The following CMSS1 variants were observed in gnomAD, a reference collection of about 807,000 sequenced individuals.
CMSS1 encodes cms1 ribosomal small subunit homolog.
A neutral mutation model predicts 43.5 loss-of-function variants in CMSS1; 33 were observed. That is an observed-to-expected ratio of 0.76 (90% CI 0.57 to 1.01). CMSS1 has a LOEUF of 1.01. Among genes scored for constraint, CMSS1 ranks in the 50% least tolerant of loss-of-function variants. The pLI, the probability that CMSS1 is intolerant of heterozygous loss-of-function variation, is 0.00. For synonymous variants in CMSS1, 115 were observed against 117.2 expected (o/e 0.98, Z 0.12); for missense variants, 313 against 326.4 (o/e 0.96, Z 0.32).
intron 1 of CMSS1, among the ~76,000 whole-genome samples, chr3:100,009,294 A>G (rs1348729425): frequency 6.6e-6 from 1 of 152,210 alleles, no homozygotes; most frequent in Non-Finnish European, 1.5e-5. Context: ...GTCCTGAAAC[A>G]AAATGGCAGC....
In CMSS1 at chr3:100,160,474, T is replaced by C. The variant is rs143731542; in HGVS notation, c.198T>C (p.Asn66=). The part of the protein sequence containing the change: ...FLIQPKERKE[N]TTKTRKRRKK... Reference sequence around the variant, plus strand: ...TACAACCAAAGGAAAGAAAAGAGAATACCACCAAGACCAGGAAAAGAAGAA... The same window carrying C: ...TACAACCAAAGGAAAGAAAAGAGAACACCACCAAGACCAGGAAAAGAAGAA... The change falls in exon 3 of 10, where the codon AAT becomes AAC. Residue 66 remains asparagine, a synonymous_variant. Coordinates refer to ENST00000421999, the MANE Select transcript of CMSS1 (RefSeq NM_032359.4). 8.6e-5 allele frequency: 130 copies of C among 1,515,220 alleles called. No individual in the cohort carries two copies. The African/African-American group carries it at 1.7e-3, about 20-fold the overall frequency. The allele number at this position is 1,515,220 out of a possible 1,614,324, so 93.9% of individuals were successfully genotyped here. A position where few individuals can be genotyped will look rare whatever the true frequency, so the allele number is the denominator to read the frequency against.
chr3:99,888,689 T>C (rs2107611676), intron 1 of CMSS1, among the ~76,000 whole-genome samples: 1 of 152,340 alleles, frequency 6.6e-6, no homozygotes, highest in Admixed American at 6.5e-5. Flanking sequence ...AAAAGAATCT[T>C]CTTAGACTGC....
At chr3:100,012,464 T>G (rs1368799426) in intron 1 of CMSS1, among the ~76,000 whole-genome samples, 1 of 152,204 alleles carries the variant, frequency 6.6e-6, no homozygotes, top group African/African-American at 2.4e-5. Context: ...TGTAGTATTT[T>G]CTAACTTTGG....
intron 1 of CMSS1, among the ~76,000 whole-genome samples, chr3:100,098,935 A>G (rs1009783757): frequency 6.6e-6 from 1 of 152,216 alleles, no homozygotes; most frequent in Non-Finnish European, 1.5e-5. Flanking sequence ...ATTATAAATA[A>G]TGCCAGTTAA....
chr3:100,012,177 A>T lies in CMSS1; in HGVS notation c.65-134796A>T, dbSNP rs192151604. Among the ~76,000 whole-genome samples, 5 of 152,296 alleles carry T rather than the reference A, an allele frequency of 3.3e-5. No homozygotes were observed. The South Asian group carries it at 1.0e-3, about 32-fold the overall frequency. ...AACTTGAGTGGGATTTATAATGTCT[A>T]TATCTGTCTTTTATATTCCAAAAGG... On this transcript the variant is annotated intron_variant, in intron 1 of 9. Coordinates refer to ENST00000421999, the MANE Select transcript of CMSS1 (RefSeq NM_032359.4).
chr3:99,828,487 TGTCA>T (rs998547106), intron 1 of CMSS1, among the ~76,000 whole-genome samples: 1 of 151,042 alleles, frequency 6.6e-6, no homozygotes. Context: ...GGTCTTGCTC[TGTCA>T]GTCAGTCTGG....
chr3:99,903,875 G>A (rs1706525130), intron 1 of CMSS1, among the ~76,000 whole-genome samples: 1 of 152,088 alleles, frequency 6.6e-6, no homozygotes, highest in African/African-American at 2.4e-5. Context: ...GTCGTCCCCT[G>A]CTGCTTCATT....
At chr3:100,091,141 T>C (rs34081874) in intron 1 of CMSS1, among the ~76,000 whole-genome samples, 13,848 of 150,520 alleles carry the variant, frequency 0.092, 775 homozygotes, top group African/African-American at 0.14. Context: ...AAAACTTAGC[T>C]GGGCATGGTG....
At chr3:99,956,666 A>G (rs1708328841) in intron 1 of CMSS1, among the ~76,000 whole-genome samples, 1 of 152,216 alleles carries the variant, frequency 6.6e-6, no homozygotes, top group Non-Finnish European at 1.5e-5. Context: ...TAAGCTTTGG[A>G]TCATAAGCAT....
chr3:100,130,086 T>C (rs2066694163), intron 1 of CMSS1, among the ~76,000 whole-genome samples: 1 of 152,202 alleles, frequency 6.6e-6, no homozygotes, highest in Non-Finnish European at 1.5e-5. Flanking sequence ...AAATAAATTT[T>C]CTCCATATGC....
chr3:99,938,596 C>G (rs1707763197), intron 1 of CMSS1, among the ~76,000 whole-genome samples: 1 of 152,182 alleles, frequency 6.6e-6, no homozygotes, highest in Non-Finnish European at 1.5e-5. Context: ...TACACAGAAC[C>G]TTTAAGCTAA....
At chr3:99,960,309 T>C (rs1021989563) in intron 1 of CMSS1, among the ~76,000 whole-genome samples, 5 of 152,166 alleles carry the variant, frequency 3.3e-5, no homozygotes, top group Middle Eastern at 3.2e-3. Context: ...GATCCCCATT[T>C]TACAGATGAG....
chr3:100,032,796 A>T (rs2107265161), intron 1 of CMSS1, among the ~76,000 whole-genome samples: 1 of 152,344 alleles, frequency 6.6e-6, no homozygotes, highest in South Asian at 2.1e-4. Context: ...TGTGTAACAA[A>T]GGACCATTAA....
intron 1 of CMSS1, among the ~76,000 whole-genome samples, chr3:100,027,315 G>C (rs552361282): frequency 6.6e-6 from 1 of 152,230 alleles, no homozygotes; most frequent in South Asian, 2.1e-4. Flanking sequence ...CTGGAAATGA[G>C]CCTCACACAT....
chr3:100,055,978 A>T (rs1172490856), intron 1 of CMSS1, among the ~76,000 whole-genome samples: 1 of 152,210 alleles, frequency 6.6e-6, no homozygotes, highest in South Asian at 2.1e-4. Context: ...GTCCAAGCTT[A>T]ATCTTAGGCA....
chr3:100,056,969 A>C (rs1216519714), intron 1 of CMSS1, among the ~76,000 whole-genome samples: 1 of 152,042 alleles, frequency 6.6e-6, no homozygotes, highest in Non-Finnish European at 1.5e-5. Flanking sequence ...GCACCACTGC[A>C]CTCCAGCCTG....
In CMSS1 at chr3:100,180,034, A is replaced by G. The variant is rs964395342; in HGVS notation, c.*1646A>G. The G allele has an allele frequency of 6.6e-6, 1 of 152,432 alleles. No homozygotes were observed. The highest frequency in any genetic ancestry group is 2.4e-5 in the African/African-American group (1 of 41,484). 9.4% of individuals were successfully genotyped at this position (152,432 alleles called of 1,614,324 possible). A position where few individuals can be genotyped will look rare whatever the true frequency, so the allele number is the denominator to read the frequency against. ...CTTGCACCCTCTGAAGCAATGGTTC[A>G]GCTGTACCTTGGCCCCTTTTAGTCA... On this transcript the variant is annotated 3_prime_UTR_variant, in exon 10 of 10. Transcript: ENST00000421999.
chr3:99,894,669 C>T (rs574225197), intron 1 of CMSS1, among the ~76,000 whole-genome samples: 1 of 152,246 alleles, frequency 6.6e-6, no homozygotes, highest in South Asian at 2.1e-4. Flanking sequence ...GATATTTCCT[C>T]ATAAAAACGA....
At chr3:100,135,487 TG>T (rs2066746062) in intron 1 of CMSS1, among the ~76,000 whole-genome samples, 7 of 139,640 alleles carry the variant, frequency 5.0e-5, no homozygotes, top group Non-Finnish European at 1.1e-4. Context: ...TGTGTGTGTG[TG>T]TGTTTAAGAG....
Sources: gnomAD v4.1 joint callset for allele counts (sites outside exome capture counted in the v4.1 genomes callset) on GRCh38, gnomAD v4.1.1 for gene constraint, MANE v1.5 for transcripts, NCBI Gene and HGNC (gene_info 2026-07-23, HGNC 2026-07-21) for gene names.